Variants in NRP1 observed in about 807,000 individuals in gnomAD.
NRP1 encodes the protein neuropilin 1.
A neutral mutation model predicts 106.7 loss-of-function variants in NRP1; 35 were observed. That is an observed-to-expected ratio of 0.33 (90% CI 0.25 to 0.43). The LOEUF (loss-of-function observed/expected upper bound fraction) is 0.43, where lower values mean the gene tolerates loss of function less well. NRP1 is among the 20% of genes least tolerant of loss of function. The pLI, the probability that NRP1 is intolerant of heterozygous loss-of-function variation, is 1.00. For synonymous variants in NRP1, 437 were observed against 417.9 expected (o/e 1.05, Z -0.56); for missense variants, 1,024 against 1,170.4 (o/e 0.87, Z 1.83).
At chr10:33,321,018 G>C (rs959864928) in intron 2 of NRP1, among the ~76,000 whole-genome samples, 1 of 152,118 alleles carries the variant, frequency 6.6e-6, no homozygotes, top group Non-Finnish European at 1.5e-5. Flanking sequence ...ACAGAGTCTC[G>C]CTGTGATGTC....
chr10:33,235,747 TA>T (rs61271636), intron 6 of NRP1, among the ~76,000 whole-genome samples: 104 of 152,364 alleles, frequency 6.8e-4, no homozygotes, highest in African/African-American at 2.4e-3. Context: ...GGGGTTTCTA[TA>T]CACTCTGAAA....
intron 14 of NRP1, 121 bp from the exon 15 acceptor site, chr10:33,185,845 C>G (rs1835971179): frequency 1.2e-6 from 1 of 851,478 alleles, no homozygotes; most frequent in Non-Finnish European, 1.9e-6. Flanking sequence ...CAGCGTAACA[C>G]AGACTTCACT....
intron 6 of NRP1, among the ~76,000 whole-genome samples, chr10:33,253,480 C>T (rs963363348): frequency 3.5e-4 from 54 of 152,288 alleles, no homozygotes; most frequent in African/African-American, 1.3e-3. Flanking sequence ...TGGAGAGTGC[C>T]TTCAACCAAA....
chr10:33,261,432 CAATATTATTAT>C (rs1436361449), intron 4 of NRP1, among the ~76,000 whole-genome samples: 1 of 152,136 alleles, frequency 6.6e-6, no homozygotes, highest in East Asian at 1.9e-4. Context: ...ACTATTGTTA[CAATATTATTAT>C]AATACTATTT....
chr10:33,180,470 G>T, intron 16 of NRP1, 105 bp from the exon 17 acceptor site: 1 of 1,151,424 alleles, frequency 8.7e-7, no homozygotes, highest in Non-Finnish European at 1.2e-6. Flanking sequence ...ACACACCCCA[G>T]TTTTGCCTGT....
At chr10:33,333,781 T>C (rs1848439845) in intron 1 of NRP1, among the ~76,000 whole-genome samples, 1 of 152,218 alleles carries the variant, frequency 6.6e-6, no homozygotes, top group South Asian at 2.1e-4. Context: ...ATTGATACTA[T>C]GTAACTTTCA....
intron 12 of NRP1, among the ~76,000 whole-genome samples, chr10:33,195,930 C>T (rs930858112): frequency 5.9e-5 from 9 of 152,160 alleles, no homozygotes; most frequent in African/African-American, 7.2e-5. Context: ...GTGATAGCAA[C>T]GGGTCCTACT....
At chr10:33,238,515 C>T (rs1454475341) in intron 6 of NRP1, among the ~76,000 whole-genome samples, 2 of 152,106 alleles carry the variant, frequency 1.3e-5, no homozygotes, top group African/African-American at 4.8e-5. Context: ...AAGATTCCTG[C>T]CCTCTAGACA....
intron 2 of NRP1, among the ~76,000 whole-genome samples, chr10:33,294,938 A>G (rs1182366935): frequency 6.6e-6 from 1 of 152,170 alleles, no homozygotes; most frequent in Non-Finnish European, 1.5e-5. Context: ...ACTTGTCCTG[A>G]TGCCACCTAT....
intron 6 of NRP1, among the ~76,000 whole-genome samples, chr10:33,246,560 G>A (rs1205637207): frequency 1.4e-5 from 2 of 147,858 alleles, no homozygotes; most frequent in Non-Finnish European, 3.0e-5. Flanking sequence ...GGTTGAAACA[G>A]CATATTAGTA....
chr10:33,236,893 C>T (rs1365191285), intron 6 of NRP1, among the ~76,000 whole-genome samples: 1 of 152,192 alleles, frequency 6.6e-6, no homozygotes, highest in Non-Finnish European at 1.5e-5. Context: ...TCCTGTACCT[C>T]ATCTTCCATT....
At chr10:33,219,424 T>G (rs1466731174) in intron 8 of NRP1, among the ~76,000 whole-genome samples, 2 of 152,198 alleles carry the variant, frequency 1.3e-5, no homozygotes, top group African/African-American at 4.8e-5. Flanking sequence ...GGCAATTATT[T>G]GGAGACTAGA....
At chr10:33,287,657 G>T (rs1370674895) in intron 2 of NRP1, among the ~76,000 whole-genome samples, 2 of 152,120 alleles carry the variant, frequency 1.3e-5, no homozygotes, top group Non-Finnish European at 2.9e-5. Flanking sequence ...GGTTTCACAG[G>T]CAATTCTTTA....
rs1390101998 is a variant in NRP1 at position 33,203,999 on chromosome 10, C to T, written c.1760-1004G>A. Among the ~76,000 whole-genome samples, 16 of 85,896 alleles carry T rather than the reference C, an allele frequency of 1.9e-4. 3 individuals carry two copies. Among genetic ancestry groups the T allele is most frequent in the Admixed American group, 4.7e-4 (3 of 6,398 alleles). The allele number at this position is 85,896 out of a possible 152,430, so 56.4% of individuals were successfully genotyped here. A position where few individuals can be genotyped will look rare whatever the true frequency, so the allele number is the denominator to read the frequency against. ...TCATGATCCACCCGCCTCGGCCTCC[C>T]AACAAAGACTGCTTTTGAAGTCCTT... On this transcript the variant is annotated intron_variant, in intron 10 of 16. Coordinates refer to ENST00000374867, the MANE Select transcript of NRP1 (RefSeq NM_003873.7).
chr10:33,189,139 A>AACAC lies in NRP1; in HGVS notation c.2063-2655_2063-2652dup, dbSNP rs57366065. On this transcript the variant is annotated intron_variant, in intron 13 of 16. Transcript: ENST00000374867. Reference sequence around the variant, plus strand: ...ATAAAGAACCAGCAGTGTCCTGCCAAACACACACACACACACACTCACTCA... The same window carrying AACAC: ...ATAAAGAACCAGCAGTGTCCTGCCAAACACACACACACACACACACACTCACTCA... Among the ~76,000 whole-genome samples, 552 of 149,012 alleles carry AACAC rather than the reference A, an allele frequency of 3.7e-3. 3 individuals are homozygous for AACAC. The highest frequency in any genetic ancestry group is 0.017 in the Middle Eastern group (5 of 290).
chr10:33,192,261 CGAAGT>C lies in NRP1; in HGVS notation c.2062+15_2062+19del. 1 of 1,603,214 alleles carries C rather than the reference CGAAGT, an allele frequency of 6.2e-7. No individual in the cohort carries two copies. Among genetic ancestry groups the C allele is most frequent in the Non-Finnish European group, 8.5e-7 (1 of 1,174,090 alleles). ...AAGAGAATCTGCAAAGCCATGCAGC[CGAAGT>C]GAACTCTGTGATACCTGTGTGATCC... On this transcript the variant is annotated intron_variant, in intron 13 of 16. Coordinates refer to ENST00000374867, the MANE Select transcript of NRP1 (RefSeq NM_003873.7).
At chr10:33,255,510 A>G (rs1445921683) in intron 5 of NRP1, among the ~76,000 whole-genome samples, 2 of 152,284 alleles carry the variant, frequency 1.3e-5, no homozygotes, top group African/African-American at 2.4e-5. Context: ...GCTGGAGTGC[A>G]GTGGCATGAT....
At chr10:33,186,916 G>C (rs1836048424) in intron 13 of NRP1, among the ~76,000 whole-genome samples, 1 of 152,032 alleles carries the variant, frequency 6.6e-6, no homozygotes, top group Non-Finnish European at 1.5e-5. Flanking sequence ...GGGATGCAGT[G>C]GTGTGATCAT....
chr10:33,314,232 G>A (rs964615358), intron 2 of NRP1, among the ~76,000 whole-genome samples: 2 of 152,032 alleles, frequency 1.3e-5, no homozygotes, highest in African/African-American at 2.4e-5. Context: ...GACTACGGGC[G>A]CATGGCACCA....
Sources: allele counts gnomAD v4.1 joint callset (sites outside exome capture counted in the v4.1 genomes callset), GRCh38; gene constraint gnomAD v4.1.1; transcripts MANE v1.5; gene names NCBI Gene and HGNC (gene_info 2026-07-23, HGNC 2026-07-21).